OSBPL9: variants seen among roughly 807,000 people sequenced by gnomAD.
OSBPL9 encodes the protein oxysterol-binding protein-related protein 9.
In OSBPL9, 40 loss-of-function variants were observed where a neutral mutation model predicts 106.6. The ratio of observed to expected loss-of-function variants is 0.38; its 90% CI spans 0.29 to 0.49. OSBPL9 has a LOEUF of 0.49. Ranked by LOEUF, OSBPL9 falls within the 20% of genes least tolerant of loss-of-function variation. OSBPL9 has a pLI of 0.97. For synonymous variants in OSBPL9, 269 were observed against 295.4 expected (o/e 0.91, Z 0.92); for missense variants, 609 against 887.2 (o/e 0.69, Z 3.98).
At chr1:51,525,589 G>C in the OSBPL9 span, among the ~76,000 whole-genome samples, 2 of 152,080 alleles carry the variant, frequency 1.3e-5, no homozygotes, top group Middle Eastern at 3.2e-3. Flanking sequence ...CAATCTACCA[G>C]AAAGTTCTGT....
At chr1:51,748,251 T>C (rs1024028081) in intron 6 of OSBPL9, 118 bp from the exon 7 acceptor site, 1 of 1,230,476 alleles carries the variant, frequency 8.1e-7, no homozygotes, top group Non-Finnish European at 1.1e-6. Context: ...CCAACTTGCT[T>C]GTACTCACTT....
the OSBPL9 span, among the ~76,000 whole-genome samples, chr1:51,570,359 T>C: frequency 7.9e-5 from 12 of 152,222 alleles, no homozygotes; most frequent in African/African-American, 2.9e-4. Context: ...CATGAAGCCA[T>C]TGAGGCTATT....
At chr1:51,686,420 G>A (rs1411038073) in intron 3 of OSBPL9, among the ~76,000 whole-genome samples, 1 of 152,106 alleles carries the variant, frequency 6.6e-6, no homozygotes, top group Non-Finnish European at 1.5e-5. Context: ...ACTCATGTCT[G>A]TCTCTTTTAC....
intron 4 of OSBPL9, among the ~76,000 whole-genome samples, chr1:51,736,553 T>C (rs531181967): frequency 1.3e-5 from 2 of 152,318 alleles, no homozygotes; most frequent in South Asian, 4.1e-4. Context: ...CATTTCATAA[T>C]CAAATTTTCA....
chr1:51,724,619 C>G (rs1662777657), intron 4 of OSBPL9, among the ~76,000 whole-genome samples: 1 of 152,178 alleles, frequency 6.6e-6, no homozygotes, highest in African/African-American at 2.4e-5. Flanking sequence ...GAGGAGATGT[C>G]AGATGTAATT....
intron 1 of OSBPL9, among the ~76,000 whole-genome samples, chr1:51,578,556 G>A (rs1645200030): frequency 6.6e-6 from 1 of 152,158 alleles, no homozygotes. Context: ...TAGAGGTAGG[G>A]AAACTGAAAC....
chr1:51,593,904 T>TCACACACACACACACA (rs58936844), intron 1 of OSBPL9, among the ~76,000 whole-genome samples: 101 of 140,188 alleles, frequency 7.2e-4, no homozygotes, highest in Non-Finnish European at 1.1e-3. Flanking sequence ...TAATCAGATT[T>TCACACACACACACACA]CACACACACA....
At chr1:51,602,419 ATTTTTT>A (rs1357173060) in intron 2 of OSBPL9, among the ~76,000 whole-genome samples, 1 of 104,658 alleles carries the variant, frequency 9.6e-6, no homozygotes. Context: ...TTTTTTTTTA[ATTTTTT>A]TTTTTTTTTT....
At chr1:51,716,783 T>C (rs1661133106) in intron 4 of OSBPL9, among the ~76,000 whole-genome samples, 1 of 152,184 alleles carries the variant, frequency 6.6e-6, no homozygotes, top group African/African-American at 2.4e-5. Flanking sequence ...CAAAGGGGTA[T>C]AGGAGAGGAG....
intron 1 of OSBPL9, among the ~76,000 whole-genome samples, chr1:51,633,972 C>T (rs545713276): frequency 2.5e-4 from 38 of 152,240 alleles, no homozygotes; most frequent in African/African-American, 8.2e-4. Flanking sequence ...TTTCCTGAGC[C>T]CCAACCTCCA....
At chr1:51,646,665 G>C (rs1646174757) in intron 1 of OSBPL9, among the ~76,000 whole-genome samples, 1 of 152,166 alleles carries the variant, frequency 6.6e-6, no homozygotes, top group Non-Finnish European at 1.5e-5. Context: ...AGCCTCCTGA[G>C]TAGCTGGGAC....
At chr1:51,688,540 C>A (rs1654307906) in intron 3 of OSBPL9, among the ~76,000 whole-genome samples, 1 of 152,184 alleles carries the variant, frequency 6.6e-6, no homozygotes, top group East Asian at 1.9e-4. Flanking sequence ...TCACTTGAAT[C>A]TAGGAGTTCG....
upstream of OSBPL9, among the ~76,000 whole-genome samples, chr1:51,615,314 A>G (rs1002744987): frequency 2.0e-5 from 3 of 152,190 alleles, no homozygotes; most frequent in African/African-American, 7.2e-5. Context: ...TCATTTCTAT[A>G]CCATCTAACT....
chr1:51,576,964 A>G (rs1645187964), upstream of OSBPL9, among the ~76,000 whole-genome samples: 1 of 152,126 alleles, frequency 6.6e-6, no homozygotes, highest in Non-Finnish European at 1.5e-5. Context: ...GTAATTTCCA[A>G]TGTTGGAGGT....
chr1:51,593,904 TCACACACACACA>T (rs58936844), intron 1 of OSBPL9, among the ~76,000 whole-genome samples: 15 of 140,186 alleles, frequency 1.1e-4, no homozygotes, highest in South Asian at 2.4e-4. Flanking sequence ...TAATCAGATT[TCACACACACACA>T]CACACACACA....
chr1:51,662,929 A>G (rs763682641), intron 2 of OSBPL9, among the ~76,000 whole-genome samples: 10 of 152,060 alleles, frequency 6.6e-5, no homozygotes, highest in Non-Finnish European at 1.2e-4. Flanking sequence ...TATTTTTAGT[A>G]GAGATGGGGT....
At chr1:51,754,849 C>T (rs748066368) in intron 8 of OSBPL9, among the ~76,000 whole-genome samples, 54 of 152,134 alleles carry the variant, frequency 3.5e-4, no homozygotes, top group Non-Finnish European at 7.5e-4. Context: ...GTCACTCAGA[C>T]TGGAGTGCAG....
At chr1:51,686,003 A>C (rs1653711087) in intron 3 of OSBPL9, among the ~76,000 whole-genome samples, 1 of 152,188 alleles carries the variant, frequency 6.6e-6, no homozygotes, top group Non-Finnish European at 1.5e-5. Context: ...CAGGGGATCA[A>C]ATAAAAGAAA....
At chr1:51,550,098 A>G in the OSBPL9 span, among the ~76,000 whole-genome samples, 1 of 152,192 alleles carries the variant, frequency 6.6e-6, no homozygotes, top group African/African-American at 2.4e-5. Context: ...TGAGCAAGTG[A>G]CTTACCCACT....
Sources: allele counts gnomAD v4.1 joint callset (sites outside exome capture counted in the v4.1 genomes callset), GRCh38; gene constraint gnomAD v4.1.1; transcripts MANE v1.5; gene names NCBI Gene and HGNC (gene_info 2026-07-23, HGNC 2026-07-21).